Variants in DAB1 observed in about 807,000 individuals in gnomAD.
DAB1 encodes disabled homolog 1.
Under a neutral mutation model 64.6 loss-of-function variants are expected in DAB1, and 15 were observed. The ratio of observed to expected loss-of-function variants is 0.23; its 90% CI spans 0.16 to 0.36. The LOEUF is 0.36. Ranked by LOEUF, DAB1 falls within the 10% of genes least tolerant of loss-of-function variation. The pLI, the probability that DAB1 is intolerant of heterozygous loss-of-function variation, is 1.00. For missense variants in DAB1, 596 were observed against 706.7 expected, an observed-to-expected ratio of 0.84 and a Z score of 1.78; for synonymous variants, 235 against 251.9, an observed-to-expected ratio of 0.93 and a Z score of 0.64.
chr1:57,638,946 AC>A (rs1346276074), intron 7 of DAB1, among the ~76,000 whole-genome samples: 1 of 150,754 alleles, frequency 6.6e-6, no homozygotes, highest in African/African-American at 2.4e-5. Flanking sequence ...TTCATAAAGA[AC>A]TTTAGTAAAT....
At chr1:57,134,438 T>A (rs1446921032) in intron 4 of DAB1, among the ~76,000 whole-genome samples, 1 of 145,156 alleles carries the variant, frequency 6.9e-6, no homozygotes, top group African/African-American at 2.5e-5. Flanking sequence ...TACAAAAAAA[T>A]TTAGCTGGGC....
intron 7 of DAB1, among the ~76,000 whole-genome samples, chr1:57,489,106 G>A (rs1048616725): frequency 6.6e-6 from 1 of 152,220 alleles, no homozygotes; most frequent in Admixed American, 6.5e-5. Flanking sequence ...ATTATTGAAA[G>A]TGGGTGTCAG....
chr1:58,419,019 G>A (rs1489712581), intron 3 of DAB1, among the ~76,000 whole-genome samples: 1 of 152,174 alleles, frequency 6.6e-6, no homozygotes. Flanking sequence ...CATCAGCCCT[G>A]GGGCCTCCAG....
intron 1 of DAB1, among the ~76,000 whole-genome samples, chr1:57,342,567 C>A (rs1209381033): frequency 6.6e-6 from 1 of 152,208 alleles, no homozygotes; most frequent in Non-Finnish European, 1.5e-5. Flanking sequence ...CAAGGATGAT[C>A]ATACTAATAA....
At chr1:58,444,535 T>G (rs1054590085) in intron 3 of DAB1, among the ~76,000 whole-genome samples, 10 of 152,166 alleles carry the variant, frequency 6.6e-5, no homozygotes, top group African/African-American at 2.4e-4. Context: ...TCACAGCAGC[T>G]GAGGAGTGTG....
At chr1:57,555,093 G>A (rs1163516464) in intron 7 of DAB1, among the ~76,000 whole-genome samples, 1 of 130,056 alleles carries the variant, frequency 7.7e-6, no homozygotes. Flanking sequence ...GGAGTGCAGC[G>A]GCACTATCTC....
chr1:58,519,390 G>T (rs1037027986), intron 2 of DAB1, among the ~76,000 whole-genome samples: 9 of 152,156 alleles, frequency 5.9e-5, no homozygotes, highest in African/African-American at 2.2e-4. Context: ...ACACGTGAAT[G>T]ACCACAGAGG....
intron 3 of DAB1, among the ~76,000 whole-genome samples, chr1:58,389,904 A>C (rs1644462342): frequency 6.6e-6 from 1 of 152,080 alleles, no homozygotes; most frequent in Non-Finnish European, 1.5e-5. Flanking sequence ...AGCAGAGCTG[A>C]TCACTAAGCT....
intron 9 of DAB1, among the ~76,000 whole-genome samples, chr1:57,033,833 G>A (rs1442556665): frequency 2.6e-5 from 4 of 152,190 alleles, no homozygotes; most frequent in Non-Finnish European, 5.9e-5. Flanking sequence ...ACATTGCCCC[G>A]CAGTTACAGA....
intron 4 of DAB1, among the ~76,000 whole-genome samples, chr1:58,337,082 G>A (rs1352562260): frequency 1.3e-5 from 2 of 152,074 alleles, no homozygotes; most frequent in Non-Finnish European, 2.9e-5. Flanking sequence ...AGGAGTTTGA[G>A]ACCAGCCTGG....
chr1:57,356,087 A>G lies in DAB1; in HGVS notation c.-136-64921T>C, dbSNP rs1364443. On this transcript the variant is annotated intron_variant, in intron 1 of 14. Coordinates refer to ENST00000371236, the MANE Select transcript of DAB1 (RefSeq NM_001365792.1). ...TGAAACATAAGCTCCATGAAAGCAG[A>G]GATTTGGAGTTTGTTCAGTGCTATA... Among the ~76,000 whole-genome samples the G allele has an allele frequency of 5.9e-3, 902 of 152,166 alleles. 2 individuals carry two copies. Among genetic ancestry groups the G allele is most frequent in the Admixed American group, 8.0e-3 (123 of 15,286 alleles).
chr1:57,172,477 T>G (rs1350465709), intron 2 of DAB1, among the ~76,000 whole-genome samples: 2 of 152,208 alleles, frequency 1.3e-5, no homozygotes, highest in Non-Finnish European at 2.9e-5. Context: ...TGCATTGCTA[T>G]GAAGAAATGT....
At chr1:58,075,743 G>A (rs1335010120) in intron 5 of DAB1, among the ~76,000 whole-genome samples, 2 of 152,140 alleles carry the variant, frequency 1.3e-5, no homozygotes, top group Non-Finnish European at 2.9e-5. Flanking sequence ...AGAGCTGTCC[G>A]ACTCTCTCTC....
At chr1:57,092,760 TGGG>T (rs1232897281) in intron 4 of DAB1, among the ~76,000 whole-genome samples, 1 of 151,520 alleles carries the variant, frequency 6.6e-6, no homozygotes, top group African/African-American at 2.4e-5. Flanking sequence ...GGGGAAGCCA[TGGG>T]AGAAGTCTCT....
At chr1:58,047,955 T>C (rs1158732849) in intron 5 of DAB1, 2 of 488,482 alleles carry the variant, frequency 4.1e-6, no homozygotes, top group East Asian at 4.0e-5. Flanking sequence ...CTTTACACTT[T>C]CCACAGAACA....
At chr1:58,127,418 A>G (rs1231034821) in intron 5 of DAB1, among the ~76,000 whole-genome samples, 1 of 150,438 alleles carries the variant, frequency 6.6e-6, no homozygotes, top group Non-Finnish European at 1.5e-5. Flanking sequence ...TTGCCTGTTC[A>G]CTCTGATGGT....
intron 1 of DAB1, among the ~76,000 whole-genome samples, chr1:57,309,988 C>T (rs1366022569): frequency 3.3e-5 from 5 of 152,188 alleles, no homozygotes; most frequent in East Asian, 1.9e-4. Context: ...CACAGACCCC[C>T]GCCACTCCAA....
chr1:57,357,440 AC>A (rs1260003105), intron 1 of DAB1, among the ~76,000 whole-genome samples: 1 of 151,458 alleles, frequency 6.6e-6, no homozygotes, highest in African/African-American at 2.4e-5. Flanking sequence ...ACCCCATAGT[AC>A]TATAAAATAT....
At position 58,089,827 on chromosome 1, in the gene DAB1, G is replaced by A. The variant is rs191145379; in HGVS notation, n.387+60684C>T. Among the ~76,000 whole-genome samples the A allele has an allele frequency of 2.5e-3, 379 of 152,288 alleles. 1 individual carries two copies. Among genetic ancestry groups the A allele is most frequent in the Non-Finnish European group, 3.1e-3 (211 of 68,014 alleles). On this transcript the variant is annotated intron_variant and non_coding_transcript_variant, in intron 5 of 20. Coordinates refer to the DAB1 transcript ENST00000485760. ...TTCTGATTACCTGGGCACTGTTTTC[G>A]TGAAAACTGCCAGCACCCAGTGTTT...
Sources: gnomAD v4.1 joint callset for allele counts (sites outside exome capture counted in the v4.1 genomes callset) on GRCh38, gnomAD v4.1.1 for gene constraint, MANE v1.5 for transcripts, NCBI Gene and HGNC (gene_info 2026-07-23, HGNC 2026-07-21) for gene names.